The following RASEF variants were observed in gnomAD, a reference collection of about 807,000 sequenced individuals.
RASEF encodes the protein RAS and EF-hand domain containing.
Under a neutral mutation model 90.1 loss-of-function variants are expected in RASEF, and 68 were observed. The observed-to-expected ratio is 0.75, with a 90% CI of 0.62 to 0.92. RASEF has a LOEUF of 0.92. Among genes scored for constraint, RASEF ranks in the 40% least tolerant of loss-of-function variants. The probability of loss-of-function intolerance (pLI) is 0.00; values close to 1 mark genes in which losing one functional copy is unlikely to be tolerated. For synonymous variants in RASEF, 331 were observed against 345.2 expected, an observed-to-expected ratio of 0.96 and a Z score of 0.46; for missense variants, 949 against 937.2, an observed-to-expected ratio of 1.01 and a Z score of -0.16.
chr9:83,170,433 G>T, the RASEF span, among the ~76,000 whole-genome samples: 2 of 151,724 alleles, frequency 1.3e-5, no homozygotes, highest in African/African-American at 4.8e-5. Context: ...ACAAACTTCA[G>T]ATTTAAAAAT....
intron 1 of RASEF, among the ~76,000 whole-genome samples, chr9:83,029,409 T>C (rs1829603397): frequency 6.6e-6 from 1 of 150,722 alleles, no homozygotes; most frequent in South Asian, 2.1e-4. Flanking sequence ...TTTTTTTTTT[T>C]TGAAACTGAG....
At chr9:83,002,392 G>A (rs1829057012) in intron 9 of RASEF, among the ~76,000 whole-genome samples, 1 of 151,898 alleles carries the variant, frequency 6.6e-6, no homozygotes, top group Non-Finnish European at 1.5e-5. Flanking sequence ...TTTATTCTGA[G>A]CCAAGAATTT....
At chr9:83,118,489 T>C in the RASEF span, among the ~76,000 whole-genome samples, 1 of 151,858 alleles carries the variant, frequency 6.6e-6, no homozygotes, top group African/African-American at 2.4e-5. Context: ...CTCGTATTTC[T>C]TTCCTGTTGC....
At chr9:83,075,908 A>AC in the RASEF span, among the ~76,000 whole-genome samples, 212 of 152,204 alleles carry the variant, frequency 1.4e-3, 1 homozygote, top group Middle Eastern at 6.8e-3. Flanking sequence ...GGTGGCTCAC[A>AC]CCTGTAATCC....
upstream of RASEF, among the ~76,000 whole-genome samples, chr9:83,065,480 A>G (rs1006090198): frequency 2.0e-5 from 3 of 152,198 alleles, no homozygotes; most frequent in Admixed American, 6.5e-5. Context: ...CCCAGTGTAC[A>G]AGTGCTCTTC....
At chr9:83,155,354 C>T in the RASEF span, among the ~76,000 whole-genome samples, 14 of 152,138 alleles carry the variant, frequency 9.2e-5, no homozygotes, top group African/African-American at 3.4e-4. Context: ...TTAATGGACT[C>T]ACAGTTCCAT....
intron 1 of RASEF, among the ~76,000 whole-genome samples, chr9:83,047,480 C>G (rs1829954789): frequency 6.6e-6 from 1 of 152,094 alleles, no homozygotes; most frequent in Non-Finnish European, 1.5e-5. Context: ...TCATTTCATT[C>G]CAATTGACTT....
intron 1 of RASEF, among the ~76,000 whole-genome samples, chr9:83,047,838 G>A (rs950683149): frequency 1.2e-4 from 19 of 152,180 alleles, no homozygotes; most frequent in Admixed American, 9.2e-4. Context: ...CAACATGCTC[G>A]AATCAACAGG....
the RASEF span, among the ~76,000 whole-genome samples, chr9:83,149,861 C>T: frequency 6.6e-6 from 1 of 152,160 alleles, no homozygotes; most frequent in Non-Finnish European, 1.5e-5. Context: ...ATGACCAATT[C>T]CTGAATTATT....
At chr9:83,048,804 T>C (rs754574384) in intron 1 of RASEF, 80 of 956,634 alleles carry the variant, frequency 8.4e-5, no homozygotes, top group Non-Finnish European at 4.6e-5. Context: ...AGAATATTTC[T>C]CATACTTGAT....
rs754579235 is a variant in RASEF, at chr9:82,982,834, G to GAGAGAGA, written c.2118-53_2118-52insTCTCTCT. ...GAGAGAGAGAGAGAGAGAGAGAGAGGATTACTGAGGTATAAAAACTAAGCC... is the reference window on the plus strand; with the variant it reads ...GAGAGAGAGAGAGAGAGAGAGAGAGGAGAGAGAATTACTGAGGTATAAAAACTAAGCC... On this transcript the variant is annotated intron_variant, in intron 16 of 16. Coordinates refer to ENST00000376447, the MANE Select transcript of RASEF (RefSeq NM_152573.4). 33 of 996,168 alleles carry GAGAGAGA rather than the reference G, an allele frequency of 3.3e-5. No individual in the cohort carries two copies. In the African/African-American group the frequency reaches 5.0e-4, roughly 15 times the overall value. 61.7% of individuals were successfully genotyped at this position (996,168 alleles called of 1,614,324 possible).
intron 1 of RASEF, among the ~76,000 whole-genome samples, chr9:83,058,351 T>C (rs1207192752): frequency 1.3e-5 from 2 of 150,328 alleles, no homozygotes; most frequent in African/African-American, 5.0e-5. Context: ...CCCGGCTAAT[T>C]TTTTGTATTT....
At chr9:83,005,586 A>G (rs1829114814) in intron 7 of RASEF, 86 bp from the exon 8 acceptor site, 1 of 999,498 alleles carries the variant, frequency 1.0e-6, no homozygotes, top group Non-Finnish European at 1.6e-6. Context: ...TAGCTGTAAC[A>G]TTCAGAATGT....
the RASEF span, among the ~76,000 whole-genome samples, chr9:83,210,748 T>G: frequency 6.6e-6 from 1 of 152,228 alleles, no homozygotes; most frequent in Non-Finnish European, 1.5e-5. Context: ...ACAACTCAAA[T>G]TTACAAAATG....
chr9:83,133,392 T>C, the RASEF span, among the ~76,000 whole-genome samples: 1 of 152,154 alleles, frequency 6.6e-6, no homozygotes, highest in Admixed American at 6.5e-5. Flanking sequence ...TGTGAAATGG[T>C]AATTAAGCTA....
chr9:83,059,864 C>G (rs1159938107), intron 1 of RASEF, among the ~76,000 whole-genome samples: 1 of 152,098 alleles, frequency 6.6e-6, no homozygotes, highest in Non-Finnish European at 1.5e-5. Flanking sequence ...AACAAAAAGT[C>G]CCTCAATTTT....
At chr9:83,099,146 A>G in the RASEF span, among the ~76,000 whole-genome samples, 4 of 152,096 alleles carry the variant, frequency 2.6e-5, no homozygotes, top group African/African-American at 7.2e-5. Flanking sequence ...ATGATGTCTC[A>G]TTATTATGCT....
intron 1 of RASEF, among the ~76,000 whole-genome samples, chr9:83,047,831 C>T (rs531475476): frequency 4.6e-5 from 7 of 152,216 alleles, no homozygotes; most frequent in Non-Finnish European, 7.3e-5. Flanking sequence ...CATGGAACAA[C>T]ATGCTCGAAT....
At position 83,012,454 on chromosome 9, in the gene RASEF, G is replaced by GT; in HGVS notation, c.822dup (p.Gln275ThrfsTer4). ...CTTACCATTGATAAATCATAAATTT[G>GT]TTTTTTCAATGCAGCCACATCTTCC... is the stretch of plus-strand genomic sequence containing the variant. On this transcript the variant is annotated frameshift_variant, in exon 5 of 17. Coordinates refer to ENST00000376447, the MANE Select transcript of RASEF (RefSeq NM_152573.4). LOFTEE classifies it high-confidence loss of function. 1 of 1,579,296 alleles carries GT rather than the reference G, an allele frequency of 6.3e-7. No homozygotes were observed. Among genetic ancestry groups the GT allele is most frequent in the Non-Finnish European group, 8.6e-7 (1 of 1,160,308 alleles).
Sources: allele counts gnomAD v4.1 joint callset (sites outside exome capture counted in the v4.1 genomes callset), GRCh38; gene constraint gnomAD v4.1.1; transcripts MANE v1.5; gene names NCBI Gene and HGNC (gene_info 2026-07-23, HGNC 2026-07-21).